DLEC1: variants seen among roughly 807,000 people sequenced by gnomAD.
DLEC1 encodes DLEC1 cilia and flagella associated protein.
In DLEC1, 146 loss-of-function variants were observed where a neutral mutation model predicts 198.1. The ratio of observed to expected loss-of-function variants is 0.74; its 90% confidence interval spans 0.64 to 0.85. The LOEUF (loss-of-function observed/expected upper bound fraction) is 0.85. DLEC1 is among the 40% of genes least tolerant of loss of function. DLEC1 has a pLI of 0.00. For synonymous variants in DLEC1, 897 were observed against 866.8 expected, an observed-to-expected ratio of 1.03 and a Z score of -0.61; for missense variants, 2,233 against 2,220.0, an observed-to-expected ratio of 1.01 and a Z score of -0.12.
At chr3:38,064,542 G>T (rs1696890950) in intron 6 of DLEC1, among the ~76,000 whole-genome samples, 1 of 152,010 alleles carries the variant, frequency 6.6e-6, no homozygotes, top group Admixed American at 6.6e-5. Flanking sequence ...CCCAGACGGG[G>T]TGGCGGCCGG....
At position 38,039,317 on chromosome 3, in the gene DLEC1, C is replaced by A. The variant is rs1479668306; in HGVS notation, c.92C>A (p.Ala31Asp). Residue 31 changes from alanine to aspartate, a missense_variant, in exon 1 of 37, where the codon GCC (alanine) becomes GAC (aspartate). Transcript: ENST00000308059. ...ATGTGGGCGCCAACTTCGCCACCAG[C>A]CGGGTCCAGCAGCCCCAGCCAGCCC... ...GTMWAPTSPPAGSSSPSQPTW... is the reference protein window; with the variant it reads ...GTMWAPTSPPDGSSSPSQPTW... The A allele has an allele frequency of 1.9e-6, 3 of 1,614,088 alleles. No individual in the cohort carries two copies. The African/African-American group carries it at 4.0e-5, about 22-fold the overall frequency.
At chr3:38,121,845 C>A in intron 35 of DLEC1, 64 bp downstream of exon 35, 2 of 1,578,564 alleles carry the variant, frequency 1.3e-6, no homozygotes, top group South Asian at 2.3e-5. Context: ...GAAGACCCCC[C>A]AGGAAGGGGC....
rs914870189 is a variant in DLEC1 at position 38,112,471 on chromosome 3, A to G, written c.3666+110A>G. The G allele has an allele frequency of 8.0e-6, 12 of 1,498,014 alleles. No homozygotes were observed. In the African/African-American group the frequency reaches 1.7e-4, roughly 21 times the overall value. 92.8% of individuals were successfully genotyped at this position (1,498,014 alleles called of 1,614,324 possible). ...GGCCCTCAGACTCTCAAACCTCACCAGGTTGAAACGCGATGCCCACCGAGC... is the reference window on the plus strand; with the variant it reads ...GGCCCTCAGACTCTCAAACCTCACCGGGTTGAAACGCGATGCCCACCGAGC... On this transcript the variant is annotated intron_variant, in intron 25 of 36. Transcript: ENST00000308059. This position sits in a 1 kb window ranked among gnomAD's most constrained non-coding sequence, Gnocchi z 4.8.
chr3:38,092,722 A>G (rs543959189), intron 10 of DLEC1, 68 bp from the exon 11 acceptor site: 3 of 1,305,226 alleles, frequency 2.3e-6, no homozygotes, highest in Non-Finnish European at 1.1e-6. Context: ...CGAGAGGAGG[A>G]GGGTGGGAGG....
intron 18 of DLEC1, among the ~76,000 whole-genome samples, chr3:38,099,980 G>GCTCCCCAGCT (rs1699221901): frequency 6.6e-6 from 1 of 152,092 alleles, no homozygotes; most frequent in African/African-American, 2.4e-5. Context: ...CTCTCCTCTG[G>GCTCCCCAGCT]CTCCCCAGCT....
chr3:38,116,785 T>C lies in DLEC1; in HGVS notation c.4075T>C (p.Ser1359Pro), dbSNP rs1225673313. The C allele has an allele frequency of 1.9e-6, 3 of 1,612,806 alleles. No homozygotes were observed. The highest frequency in any genetic ancestry group is 2.2e-5 in the South Asian group (2 of 90,872). ...TCCTTGGTGACAGGTTGAGGGCAGC[T>C]CCAGTGCCAGCAATAGGGTGGCACA... ...HETDSSVEGS[S>P]SASNRVAQKL... Residue 1359 changes from serine to proline, a missense_variant, in exon 29 of 37, where the codon TCC (serine) becomes CCC (proline). Ser to Pro is a moderately conservative substitution (Grantham distance 74). Transcript: ENST00000308059.
chr3:38,111,572 C>T, intron 23 of DLEC1, 105 bp from the exon 24 acceptor site: 1 of 1,241,874 alleles, frequency 8.1e-7, no homozygotes, highest in East Asian at 2.7e-5. Context: ...GGGCCACCTT[C>T]CTCTGCTGGG....
chr3:38,120,027 C>T (rs1057229199), intron 33 of DLEC1, among the ~76,000 whole-genome samples: 3 of 152,194 alleles, frequency 2.0e-5, no homozygotes, highest in South Asian at 2.1e-4. Context: ...TCAGTTACAG[C>T]CTCAGCCCCT....
intron 2 of DLEC1, among the ~76,000 whole-genome samples, chr3:38,057,734 A>G (rs560494790): frequency 1.3e-4 from 20 of 152,020 alleles, no homozygotes; most frequent in Admixed American, 9.8e-4. Context: ...AGGATTGGAG[A>G]TGATCTTTCT....
At chr3:38,077,879 A>G (rs182272802) in intron 6 of DLEC1, among the ~76,000 whole-genome samples, 2,056 of 152,292 alleles carry the variant, frequency 0.014, 38 homozygotes, top group African/African-American at 0.045. Flanking sequence ...AGAATAGCAG[A>G]TGGAACACTG....
At chr3:38,084,582 G>GTAGTAGT (rs1559430939) in intron 7 of DLEC1, among the ~76,000 whole-genome samples, 2 of 2,810 alleles carry the variant, frequency 7.1e-4, no homozygotes, top group East Asian at 0.015. Flanking sequence ...AGTAGTGGGG[G>GTAGTAGT]GGTGGTAGTA....
intron 2 of DLEC1, among the ~76,000 whole-genome samples, chr3:38,053,811 A>C (rs1245423816): frequency 6.6e-6 from 1 of 152,218 alleles, no homozygotes; most frequent in East Asian, 1.9e-4. Context: ...CTGTGTAGAA[A>C]GAAGTAGACA....
At position 38,097,442 on chromosome 3, in the gene DLEC1, C is replaced by T. The variant is rs535806363; in HGVS notation, c.2435-65C>T. The T allele has an allele frequency of 2.2e-5, 36 of 1,600,838 alleles. No individual in the cohort carries two copies. In the South Asian group the frequency reaches 3.6e-4, roughly 16 times the overall value. On this transcript the variant is annotated intron_variant, in intron 16 of 36. Transcript: ENST00000308059. ...AGTCTGTGCAAGCCAGATGTCTGGG[C>T]CCAATCATAGGAGGAAACTGCCTCT...
At chr3:38,105,248 G>A (rs1261471325) in intron 19 of DLEC1, among the ~76,000 whole-genome samples, 2 of 150,594 alleles carry the variant, frequency 1.3e-5, no homozygotes, top group Non-Finnish European at 2.9e-5. Flanking sequence ...GAAAAATAAT[G>A]TATTCTGCTG....
chr3:38,081,891 G>T (rs1469344020), intron 6 of DLEC1, among the ~76,000 whole-genome samples: 164 of 136,018 alleles, frequency 1.2e-3, no homozygotes, highest in Admixed American at 1.5e-3. Context: ...CGGGCGGGGG[G>T]CTGACCCCCC....
chr3:38,117,894 C>T lies in DLEC1; in HGVS notation c.4574C>T (p.Pro1525Leu), dbSNP rs1205572651. ...PHYFRLMVSR[P>L]FSVSQDGASQ... ...TACTTCCGGCTTATGGTCTCCAGGC[C>T]CTTCTCCGTTTCTCAAGATGGGGCG... The change falls in exon 33 of 37, where the codon CCC becomes CTC. Residue 1525 changes from proline to leucine, a missense_variant. Physicochemically the swap from Pro to Leu is moderately conservative, Grantham distance 98. Transcript: ENST00000308059. 11 of 1,614,158 alleles carry T rather than the reference C, an allele frequency of 6.8e-6. No homozygotes were observed. The highest frequency in any genetic ancestry group is 1.7e-5 in the Admixed American group (1 of 60,014).
At chr3:38,119,198 C>A (rs1269732234) in intron 33 of DLEC1, among the ~76,000 whole-genome samples, 2 of 152,154 alleles carry the variant, frequency 1.3e-5, no homozygotes, top group African/African-American at 4.8e-5. Flanking sequence ...ACCCTCCATG[C>A]GCTAACAATG....
At position 38,094,877 on chromosome 3, in the gene DLEC1, A is replaced by C. The variant is rs561245364; in HGVS notation, c.1920-2A>C. Reference sequence around the variant, plus strand: ...ATGGCCTTGGATGCGTTGCCCCCACAGGCACGTGGAGCTGGCCTTCTACTG... The same window carrying C: ...ATGGCCTTGGATGCGTTGCCCCCACCGGCACGTGGAGCTGGCCTTCTACTG... On this transcript the variant is annotated splice_acceptor_variant, in intron 12 of 36. Coordinates refer to ENST00000308059, the MANE Select transcript of DLEC1 (RefSeq NM_007335.4). LOFTEE classifies it high-confidence loss of function. 3.1e-6 allele frequency: 5 copies of C among 1,613,492 alleles called. No individual in the cohort carries two copies. The South Asian group carries it at 5.5e-5, about 18-fold the overall frequency.
Position 38,108,689 on chromosome 3 carries a change from G to T in DLEC1, c.3129+174G>T, listed in dbSNP as rs1214368178. Among the ~76,000 whole-genome samples the T allele has an allele frequency of 2.0e-5, 3 of 152,218 alleles. No homozygotes were observed. In the East Asian group the frequency reaches 5.8e-4, roughly 29 times the overall value. On this transcript the variant is annotated intron_variant, in intron 21 of 36. Transcript: ENST00000308059. ...ATTCCTGCTGGGTCTGCTCCCTAGGGACACATGGTCAGAGAGCCTGGAGTA... is the reference window on the plus strand; with the variant it reads ...ATTCCTGCTGGGTCTGCTCCCTAGGTACACATGGTCAGAGAGCCTGGAGTA...
Sources: allele counts gnomAD v4.1 joint callset (sites outside exome capture counted in the v4.1 genomes callset), GRCh38; gene constraint gnomAD v4.1.1; non-coding constraint Gnocchi (gnomAD v3.1); transcripts MANE v1.5; gene names NCBI Gene and HGNC (gene_info 2026-07-23, HGNC 2026-07-21).